The following MORC4 variants were observed in gnomAD, a reference collection of about 807,000 sequenced individuals.
MORC4 encodes the protein MORC family CW-type zinc finger protein 4.
Under a neutral mutation model 65.5 loss-of-function variants are expected in MORC4, and 22 were observed. The observed-to-expected ratio is 0.34, with a 90% CI of 0.24 to 0.48. MORC4 has a LOEUF of 0.48. Among genes scored for constraint, MORC4 ranks in the 20% least tolerant of loss-of-function variants. MORC4 has a pLI of 0.99. For missense variants in MORC4, 624 were observed against 703.0 expected (o/e 0.89, Z 1.27); for synonymous variants, 267 against 255.8 (o/e 1.04, Z -0.42).
chrX:106,959,547 T>G (rs1054206178), intron 10 of MORC4, among the ~76,000 whole-genome samples: 5 of 112,000 alleles, frequency 4.5e-5, no homozygotes, highest in African/African-American at 1.6e-4. Flanking sequence ...TGTTGTTGTT[T>G]TTTCCTTTTA....
At chrX:106,973,636 A>G (rs1489231120) in intron 9 of MORC4, among the ~76,000 whole-genome samples, 1 of 112,097 alleles carries the variant, frequency 8.9e-6, no homozygotes, top group Non-Finnish European at 1.9e-5. Context: ...GAATTATCCA[A>G]TGTAATCACA....
rs764075609 is a variant in MORC4 at position 106,954,345 on chromosome X, C to T, written c.1685+568G>A. On this transcript the variant is annotated intron_variant, in intron 14 of 16. Coordinates refer to ENST00000355610, the MANE Select transcript of MORC4 (RefSeq NM_024657.5). Reference sequence around the variant, plus strand: ...AAGAAAAAGAACAGTTATGCTTCTTCTTGTTATGAAGACACAAAATAACAC... The same window carrying T: ...AAGAAAAAGAACAGTTATGCTTCTTTTTGTTATGAAGACACAAAATAACAC... Among the ~76,000 whole-genome samples the T allele has an allele frequency of 8.0e-5, 9 of 112,344 alleles. No individual in the cohort carries two copies. The South Asian group carries it at 3.4e-3, about 42-fold the overall frequency.
At chrX:106,959,124 A>C (rs1360335884) in intron 10 of MORC4, among the ~76,000 whole-genome samples, 1 of 112,349 alleles carries the variant, frequency 8.9e-6, no homozygotes, top group African/African-American at 3.2e-5. Flanking sequence ...ATTAAATTTC[A>C]TAACTAGAAA....
At position 106,941,222 on chromosome X, in the gene MORC4, T is replaced by C. The variant is rs1239732282; in HGVS notation, c.*257A>G. 1.8e-5 allele frequency: 5 copies of C among 283,594 alleles called. No individual in the cohort carries two copies. The highest frequency in any genetic ancestry group is 3.1e-5 in the Non-Finnish European group (5 of 162,209). The allele number at this position is 283,594 out of a possible 1,213,427, so 23.4% of individuals were successfully genotyped here. A position where few individuals can be genotyped will look rare whatever the true frequency, so the allele number is the denominator to read the frequency against. ...TGAAAATTAAAGCTTTCAGGTCACC[T>C]AGCTTAGTGACTATTGCTTTTCTGA... is the stretch of plus-strand genomic sequence containing the variant. On this transcript the variant is annotated 3_prime_UTR_variant, in exon 17 of 17. Transcript: ENST00000355610.
rs1032433718 is a variant in MORC4 at position 106,994,329 on chromosome X, G to A, written c.176-967C>T. 2.7e-5 allele frequency among the ~76,000 whole-genome samples: 3 copies of A among 111,418 alleles called. No individual in the cohort carries two copies. In the Admixed American group the frequency reaches 2.9e-4, roughly 11 times the overall value. On this transcript the variant is annotated intron_variant, in intron 2 of 16. Transcript: ENST00000355610. ...AATCTGTTGGATAGGTTCCTTAATC[G>A]TTCCTGTCTCTACTAAGCTCTTTGA...
chrX:106,969,490 G>A (rs770029612), intron 9 of MORC4, among the ~76,000 whole-genome samples: 2 of 111,545 alleles, frequency 1.8e-5, no homozygotes, highest in East Asian at 5.6e-4. Context: ...CAGAAATGAA[G>A]GAGATAGAGA....
At chrX:106,983,753 C>T (rs1205932308) in intron 5 of MORC4, among the ~76,000 whole-genome samples, 2 of 106,985 alleles carry the variant, frequency 1.9e-5, no homozygotes, top group Non-Finnish European at 3.9e-5. Flanking sequence ...ATTTTGTTGC[C>T]CAGGCTGGTC....
Position 106,955,007 on chromosome X carries a change from G to A in MORC4, c.1591C>T (p.His531Tyr). 1 of 1,205,981 alleles carries A rather than the reference G, an allele frequency of 8.3e-7. No individual in the cohort carries two copies. The change falls in exon 14 of 17, where the codon CAT (histidine) becomes TAT (tyrosine). Residue 531 changes from histidine to tyrosine, a missense_variant. Coordinates refer to ENST00000355610, the MANE Select transcript of MORC4 (RefSeq NM_024657.5). Reference protein sequence around the residue: ...NNKTIGYEGIHSPSVLPSGGE... With the variant: ...NNKTIGYEGIYSPSVLPSGGE... ...CCAGAAGGAAGCACACTAGGGCTATGAATTCCCTCATATCCAATTGTCTTG... is the reference window on the plus strand; with the variant it reads ...CCAGAAGGAAGCACACTAGGGCTATAAATTCCCTCATATCCAATTGTCTTG...
chrX:106,949,539 ATGT>A (rs756507658), intron 14 of MORC4, among the ~76,000 whole-genome samples: 2 of 112,004 alleles, frequency 1.8e-5, no homozygotes, highest in South Asian at 3.7e-4. Context: ...TATGACACTG[ATGT>A]TGTTGTTTGC....
intron 9 of MORC4, among the ~76,000 whole-genome samples, chrX:106,974,137 A>G (rs1934577140): frequency 8.9e-6 from 1 of 111,872 alleles, no homozygotes; most frequent in Non-Finnish European, 1.9e-5. Context: ...TCTAGGACAG[A>G]GGTCAGCAAA....
At chrX:106,992,080 C>T (rs1934994925) in intron 3 of MORC4, among the ~76,000 whole-genome samples, 1 of 111,849 alleles carries the variant, frequency 8.9e-6, no homozygotes, top group African/African-American at 3.3e-5. Flanking sequence ...CAACTTTCTA[C>T]CTTCACTAAC....
chrX:106,954,438 A>G (rs371562833), intron 14 of MORC4, among the ~76,000 whole-genome samples: 3 of 112,606 alleles, frequency 2.7e-5, no homozygotes, highest in Non-Finnish European at 5.6e-5. Flanking sequence ...TTATTCTAGG[A>G]AACAACAAAT....
chrX:106,962,297 T>C (rs1934267939), intron 9 of MORC4, among the ~76,000 whole-genome samples, 187 bp from the exon 10 acceptor site: 1 of 112,543 alleles, frequency 8.9e-6, no homozygotes. Context: ...AATGACAAAG[T>C]TGTAACACTG....
At chrX:106,984,927 G>A (rs1381627205) in intron 5 of MORC4, among the ~76,000 whole-genome samples, 169 bp downstream of exon 5, 1 of 111,144 alleles carries the variant, frequency 9.0e-6, no homozygotes, top group Admixed American at 9.6e-5. Flanking sequence ...CCAATAATTT[G>A]GGAGGCTAAG....
At chrX:106,950,356 T>C (rs1284698869) in intron 14 of MORC4, among the ~76,000 whole-genome samples, 1 of 112,118 alleles carries the variant, frequency 8.9e-6, no homozygotes, top group Non-Finnish European at 1.9e-5. Context: ...CTGCTCCACA[T>C]AAAGTCAATT....
chrX:106,945,414 TTGTGTGTGTGTGTGTGTGTG>T (rs35077497), intron 14 of MORC4, among the ~76,000 whole-genome samples: 9 of 83,240 alleles, frequency 1.1e-4, no homozygotes, highest in Non-Finnish European at 2.1e-4. Flanking sequence ...ACTTACTACT[TTGTGTGTGTGTGTGTGTGTG>T]TGTGTGTGTG....
chrX:106,975,467 G>T (rs946993803), intron 9 of MORC4, among the ~76,000 whole-genome samples: 1 of 111,393 alleles, frequency 9.0e-6, no homozygotes, highest in African/African-American at 3.3e-5. Flanking sequence ...ATTTGGAGTT[G>T]CCATTCAAAT....
intron 5 of MORC4, among the ~76,000 whole-genome samples, chrX:106,982,030 C>T (rs1934755468): frequency 1.8e-5 from 2 of 112,011 alleles, no homozygotes; most frequent in African/African-American, 6.5e-5. Context: ...ATGGTACTAA[C>T]ATTCCTTTCA....
intron 16 of MORC4, 60 bp downstream of exon 16, chrX:106,941,878 G>A: frequency 3.6e-6 from 4 of 1,105,587 alleles, no homozygotes; most frequent in Non-Finnish European, 4.9e-6. Flanking sequence ...GTAAGTGGGG[G>A]TCCTAAGGGA....
Sources: allele counts gnomAD v4.1 joint callset (sites outside exome capture counted in the v4.1 genomes callset), GRCh38; gene constraint gnomAD v4.1.1; transcripts MANE v1.5; gene names NCBI Gene and HGNC (gene_info 2026-07-23, HGNC 2026-07-21).